The following MVB12B variants were observed in gnomAD, a reference collection of about 807,000 sequenced individuals.
MVB12B encodes multivesicular body subunit 12B.
Under a neutral mutation model 41.6 loss-of-function variants are expected in MVB12B, and 16 were observed. That is an observed-to-expected ratio of 0.38 (90% CI 0.26 to 0.58). MVB12B has a LOEUF of 0.58. Ranked by LOEUF, MVB12B falls within the 20% of genes least tolerant of loss-of-function variation. MVB12B has a pLI of 0.62. For synonymous variants in MVB12B, 133 were observed against 139.7 expected (o/e 0.95, Z 0.34); for missense variants, 274 against 380.2 (o/e 0.72, Z 2.32).
chr9:126,466,973 A>G (rs1403037031), intron 7 of MVB12B, among the ~76,000 whole-genome samples: 1 of 151,786 alleles, frequency 6.6e-6, no homozygotes, highest in African/African-American at 2.4e-5. Context: ...GACCACAGGC[A>G]TGTGCCACCA....
In MVB12B at chr9:126,415,808, A is replaced by G. The variant is rs146224311; in HGVS notation, c.663-6046A>G. 5.5e-4 allele frequency among the ~76,000 whole-genome samples: 83 copies of G among 152,244 alleles called. 1 individual carries two copies. The highest frequency in any genetic ancestry group is 1.5e-3 in the African/African-American group (62 of 41,550). On this transcript the variant is annotated intron_variant, in intron 6 of 9. Transcript: ENST00000361171. ...GATCATGTTCTGGTGACATGAAAAC[A>G]AGTCAGACAGCCCGATAGAGTGGGA...
intron 7 of MVB12B, among the ~76,000 whole-genome samples, chr9:126,432,619 A>G (rs1832359850): frequency 6.6e-6 from 1 of 152,190 alleles, no homozygotes; most frequent in Admixed American, 6.5e-5. Context: ...GCATTATGTT[A>G]TTTAATCCCA....
chr9:126,479,793 A>G (rs576552238), intron 7 of MVB12B, among the ~76,000 whole-genome samples: 432 of 152,340 alleles, frequency 2.8e-3, no homozygotes, highest in Non-Finnish European at 4.8e-3. Context: ...CTTCATGCTG[A>G]TCCAAGAAGG....
In MVB12B at chr9:126,480,357, G is replaced by A. The variant is rs1002185928; in HGVS notation, c.758-1012G>A. Among the ~76,000 whole-genome samples the A allele has an allele frequency of 7.9e-5, 12 of 152,202 alleles. No homozygotes were observed. The highest frequency in any genetic ancestry group is 2.1e-4 in the South Asian group (1 of 4,836). ...CTGCCACGTTGGCTCTGTGAATGCC[G>A]GCATCACGTCTCGTCCAGTGTGACC... On this transcript the variant is annotated intron_variant, in intron 7 of 9. Transcript: ENST00000361171. The surrounding 1 kb of genome is among the most constrained non-coding windows in gnomAD (Gnocchi z 4.9).
intron 7 of MVB12B, among the ~76,000 whole-genome samples, chr9:126,455,437 C>T (rs189602993): frequency 2.8e-4 from 42 of 152,164 alleles, no homozygotes; most frequent in African/African-American, 8.2e-4. Flanking sequence ...CCACCCACCT[C>T]GGCCTCCCAA....
In MVB12B at chr9:126,413,211, C is replaced by G. The variant is rs74818140; in HGVS notation, c.663-8643C>G. Among the ~76,000 whole-genome samples, 1,226 of 152,144 alleles carry G rather than the reference C, an allele frequency of 8.1e-3. 18 individuals carry two copies. The highest frequency in any genetic ancestry group is 0.028 in the African/African-American group (1,155 of 41,486). The stretch of plus-strand genomic sequence containing the variant: ...CATTATTTCCAGTTTTTGAGTAGAC[C>G]GTCATAATTAAGAGCATGAATTGTG... On this transcript the variant is annotated intron_variant, in intron 6 of 9. Transcript: ENST00000361171.
chr9:126,459,213 G>A lies in MVB12B; in HGVS notation c.758-22156G>A, dbSNP rs77600808. ...CACTGGTATTTCTTGATGCCTTGTC[G>A]TAAACTCAGAGTGTCACGAGCCTGG... On this transcript the variant is annotated intron_variant, in intron 7 of 9. Coordinates refer to ENST00000361171, the MANE Select transcript of MVB12B (RefSeq NM_033446.3). The surrounding 1 kb of genome is among the most constrained non-coding windows in gnomAD (Gnocchi z 4.3). 5.1e-3 allele frequency among the ~76,000 whole-genome samples: 777 copies of A among 152,332 alleles called. 13 individuals carry two copies. Among genetic ancestry groups the A allele is most frequent in the African/African-American group, 0.018 (744 of 41,578 alleles).
At chr9:126,413,849 T>TGTGTGTGC (rs1554776184) in intron 6 of MVB12B, among the ~76,000 whole-genome samples, 4,374 of 148,334 alleles carry the variant, frequency 0.029, 85 homozygotes, top group Middle Eastern at 0.075. Context: ...TGTGTGTGTG[T>TGTGTGTGC]GTGTATAAGG....
chr9:126,413,333 G>C (rs987444595), intron 6 of MVB12B, among the ~76,000 whole-genome samples: 2 of 152,180 alleles, frequency 1.3e-5, no homozygotes, highest in African/African-American at 4.8e-5. Context: ...GAGCCTCTCT[G>C]AGACACCTGT....
rs567438062 is a variant in MVB12B, at chr9:126,413,568, C to T, written c.663-8286C>T. Among the ~76,000 whole-genome samples the T allele has an allele frequency of 9.8e-5, 15 of 152,314 alleles. No homozygotes were observed. The South Asian group carries it at 2.5e-3, about 25-fold the overall frequency. On this transcript the variant is annotated intron_variant, in intron 6 of 9. Transcript: ENST00000361171. ...CCTTTCTTAAGTATTAAATTTGAATCATCTGGAATGTATTATTAAGTGTTT... is the reference window on the plus strand; with the variant it reads ...CCTTTCTTAAGTATTAAATTTGAATTATCTGGAATGTATTATTAAGTGTTT...
At chr9:126,460,311 C>T (rs187139475) in intron 7 of MVB12B, among the ~76,000 whole-genome samples, 100 of 152,280 alleles carry the variant, frequency 6.6e-4, no homozygotes, top group Middle Eastern at 3.4e-3. Flanking sequence ...CTCAGTGTCT[C>T]CATCTGAAAA....
rs761041596 is a variant in MVB12B, at chr9:126,414,976, C to T, written c.663-6878C>T. ...AACTCCTGGGTTCAAGTGACCCACT[C>T]GCCTCGGCCTTCCAAAGTCCTGGGA... is the stretch of plus-strand genomic sequence containing the variant. On this transcript the variant is annotated intron_variant, in intron 6 of 9. Coordinates refer to ENST00000361171, the MANE Select transcript of MVB12B (RefSeq NM_033446.3). Among the ~76,000 whole-genome samples, 123 of 152,226 alleles carry T rather than the reference C, an allele frequency of 8.1e-4. 1 individual carries two copies. The highest frequency in any genetic ancestry group is 2.8e-3 in the African/African-American group (115 of 41,532).
chr9:126,474,470 A>G (rs964205923), intron 7 of MVB12B, among the ~76,000 whole-genome samples: 9 of 152,162 alleles, frequency 5.9e-5, no homozygotes, highest in Non-Finnish European at 8.8e-5. Context: ...AGATGTTTTA[A>G]AATATGAAAA....
chr9:126,461,600 A>G (rs1476860806), intron 7 of MVB12B, among the ~76,000 whole-genome samples: 1 of 152,256 alleles, frequency 6.6e-6, no homozygotes, highest in Non-Finnish European at 1.5e-5. Context: ...ATAACATTTA[A>G]TGTTCAAAGC....
Position 126,484,013 on chromosome 9 carries a change from T to C in MVB12B, c.854T>C (p.Leu285Pro). 1.2e-6 allele frequency: 2 copies of C among 1,605,708 alleles called. No homozygotes were observed. The highest frequency in any genetic ancestry group is 2.2e-5 in the East Asian group (1 of 44,816). The change falls in exon 9 of 10, where the codon CTA becomes CCA. Residue 285 changes from leucine to proline, a missense_variant. Coordinates refer to ENST00000361171, the MANE Select transcript of MVB12B (RefSeq NM_033446.3). Reference protein sequence around the residue: ...FDLLGITIKSLAEIEKEYEYS... With the variant: ...FDLLGITIKSPAEIEKEYEYS... ...CTCCTGGGAATCACCATCAAATCTC[T>C]AGCAGAAATCGAAAAAGAGGTAAGC...
chr9:126,471,687 C>T (rs1833317622), intron 7 of MVB12B, among the ~76,000 whole-genome samples: 1 of 151,994 alleles, frequency 6.6e-6, no homozygotes, highest in South Asian at 2.1e-4. Context: ...TGGCGTTTTC[C>T]CCATTACAAA....
rs1834007904 is a variant in MVB12B at position 126,503,575 on chromosome 9, G to C, written c.*312G>C. 1 of 412,104 alleles carries C rather than the reference G, an allele frequency of 2.4e-6. No individual in the cohort carries two copies. Among genetic ancestry groups the C allele is most frequent in the African/African-American group, 2.0e-5 (1 of 48,912 alleles). 25.5% of individuals were successfully genotyped at this position (412,104 alleles called of 1,614,324 possible). A position where few individuals can be genotyped will look rare whatever the true frequency, so the allele number is the denominator to read the frequency against. On this transcript the variant is annotated 3_prime_UTR_variant, in exon 10 of 10. Coordinates refer to ENST00000361171, the MANE Select transcript of MVB12B (RefSeq NM_033446.3). ...ACCTCACTCACCACGGAGTCACCCT[G>C]AGGGCCCCGGGCAGTTGCCCTGGCC... is the stretch of plus-strand genomic sequence containing the variant.
chr9:126,350,119 T>A (rs1829707711), intron 2 of MVB12B, among the ~76,000 whole-genome samples: 1 of 152,252 alleles, frequency 6.6e-6, no homozygotes, highest in Non-Finnish European at 1.5e-5. Flanking sequence ...TTCATGTGCT[T>A]ATTTGCCATC....
intron 2 of MVB12B, among the ~76,000 whole-genome samples, chr9:126,370,542 C>T (rs1310887340): frequency 6.6e-6 from 1 of 151,886 alleles, no homozygotes; most frequent in Non-Finnish European, 1.5e-5. Flanking sequence ...CCACCATGCC[C>T]AGCTAATTTT....
Sources: allele counts gnomAD v4.1 joint callset (sites outside exome capture counted in the v4.1 genomes callset), GRCh38; gene constraint gnomAD v4.1.1; non-coding constraint Gnocchi (gnomAD v3.1); transcripts MANE v1.5; gene names NCBI Gene and HGNC (gene_info 2026-07-23, HGNC 2026-07-21).